Variants in PLG observed in about 807,000 individuals in gnomAD.
PLG encodes plasminogen.
A neutral mutation model predicts 104.4 loss-of-function variants in PLG; 41 were observed. The ratio of observed to expected loss-of-function variants is 0.39; its 90% CI spans 0.31 to 0.51. The LOEUF is 0.51. Among genes scored for constraint, PLG ranks in the 20% least tolerant of loss-of-function variants. PLG has a pLI of 0.76. For synonymous variants in PLG, 337 were observed against 357.1 expected (o/e 0.94, Z 0.63); for missense variants, 891 against 1,003.6 (o/e 0.89, Z 1.52).
chr6:160,741,739 G>A lies in PLG; in HGVS notation c.2125+322G>A, dbSNP rs4252173. On this transcript the variant is annotated intron_variant, in intron 17 of 18. Transcript: ENST00000308192. The surrounding 1 kb of genome is among the most constrained non-coding windows in gnomAD (Gnocchi z 4.7). ...GTATATGTAAACAGTGGTTTGTCAT[G>A]CAGATTATTTTGTCACCTAGGTACT... 9.5e-3 allele frequency among the ~76,000 whole-genome samples: 1,444 copies of A among 152,218 alleles called. 23 individuals carry two copies. The highest frequency in any genetic ancestry group is 0.034 in the African/African-American group (1,394 of 41,528).
chr6:160,702,351 C>G lies in PLG; in HGVS notation c.47C>G (p.Ser16Ter), dbSNP rs1777432753. Residue 16 changes from serine to a stop codon, truncating the protein, a stop_gained and splice_region_variant, in exon 1 of 19, where the codon TCA (serine) becomes TGA (stop). Coordinates refer to ENST00000308192, the MANE Select transcript of PLG (RefSeq NM_000301.5). LOFTEE classifies it high-confidence loss of function. Reference sequence around the variant, plus strand: ...CTTCTACTTCTTTTATTTCTGAAATCAGGTAAGACATAGTTTTTTTAAATT... The same window carrying G: ...CTTCTACTTCTTTTATTTCTGAAATGAGGTAAGACATAGTTTTTTTAAATT... ...VVLLLLLFLK[S>*]GQGEPLDDYV... The G allele has an allele frequency of 3.1e-6, 5 of 1,603,282 alleles. No homozygotes were observed. Among genetic ancestry groups the G allele is most frequent in the Non-Finnish European group, 4.3e-6 (5 of 1,175,238 alleles).
chr6:160,745,468 C>T lies in PLG; in HGVS notation c.2125+4051C>T, dbSNP rs115630860. Among the ~76,000 whole-genome samples the T allele has an allele frequency of 9.5e-3, 1,451 of 152,194 alleles. 20 individuals carry two copies. Among genetic ancestry groups the T allele is most frequent in the Middle Eastern group, 0.044 (13 of 294 alleles). ...GTTTTGTCTGAAATTAGGATGGCAA[C>T]CCTTGCTTTTTTGTCTGATTTCCAT... On this transcript the variant is annotated intron_variant, in intron 17 of 18. Transcript: ENST00000308192.
chr6:160,706,228 A>C (rs4063605), intron 1 of PLG, 179 bp from the exon 2 acceptor site: 1 of 773,244 alleles, frequency 1.3e-6, no homozygotes. Flanking sequence ...TTTATGTCCA[A>C]ATGCCCGACT....
intron 10 of PLG, among the ~76,000 whole-genome samples, chr6:160,729,227 G>A (rs1777961141): frequency 6.6e-6 from 1 of 152,198 alleles, no homozygotes; most frequent in Non-Finnish European, 1.5e-5. Flanking sequence ...ATGGGCATGG[G>A]TATCATTAAG....
chr6:160,723,088 A>C lies in PLG; in HGVS notation c.1256+521A>C, dbSNP rs532049034. ...ATATGAGATATACAAGTATACATATATAGTGTGTATATATATGTACACATA... is the reference window on the plus strand; with the variant it reads ...ATATGAGATATACAAGTATACATATCTAGTGTGTATATATATGTACACATA... On this transcript the variant is annotated intron_variant, in intron 10 of 18. Coordinates refer to ENST00000308192, the MANE Select transcript of PLG (RefSeq NM_000301.5). The surrounding 1 kb of genome is among the most constrained non-coding windows in gnomAD (Gnocchi z 4.7). 6.6e-6 allele frequency among the ~76,000 whole-genome samples: 1 copy of C among 151,344 alleles called. No individual in the cohort carries two copies. The highest frequency in any genetic ancestry group is 1.9e-4 in the East Asian group (1 of 5,166).
intron 17 of PLG, among the ~76,000 whole-genome samples, chr6:160,746,930 C>CA (rs1301097471): frequency 6.6e-6 from 1 of 152,136 alleles, no homozygotes; most frequent in Non-Finnish European, 1.5e-5. Context: ...CTAAAACAAG[C>CA]AAAAAAACAG....
At position 160,723,217 on chromosome 6, in the gene PLG, T is replaced by G. The variant is rs1777873197; in HGVS notation, c.1256+650T>G. ...TGACCTGTATAAACACAGTGGATCCTGAGCACCAGTGGCCTGAAAGGATAT... is the reference window on the plus strand; with the variant it reads ...TGACCTGTATAAACACAGTGGATCCGGAGCACCAGTGGCCTGAAAGGATAT... On this transcript the variant is annotated intron_variant, in intron 10 of 18. Transcript: ENST00000308192. This position sits in a 1 kb window ranked among gnomAD's most constrained non-coding sequence, Gnocchi z 4.7. 6.8e-6 allele frequency among the ~76,000 whole-genome samples: 1 copy of G among 146,952 alleles called. No individual in the cohort carries two copies. Among genetic ancestry groups the G allele is most frequent in the South Asian group, 2.1e-4 (1 of 4,814 alleles).
Position 160,716,660 on chromosome 6 carries a change from C to G in PLG, c.684C>G (p.Asn228Lys). Residue 228 changes from asparagine (N) to lysine (K), a missense_variant, in exon 7 of 19, where the codon AAC becomes AAG. Around this residue, in one of 2 missense-constraint regions of PLG, gnomAD observed 854 missense variants for 932.1 expected, o/e 0.92. Coordinates refer to ENST00000308192, the MANE Select transcript of PLG (RefSeq NM_000301.5). ...GYIPSKFPNK[N>K]LKKNYCRNPD... ...GTCCATTCAGATTTCCAAACAAGAA[C>G]CTGAAGAAGAATTACTGTCGTAACC... 1 of 1,603,714 alleles carries G rather than the reference C, an allele frequency of 6.2e-7. No individual in the cohort carries two copies. The highest frequency in any genetic ancestry group is 8.5e-7 in the Non-Finnish European group (1 of 1,170,616).
rs542427909 is a variant in PLG at position 160,731,494 on chromosome 6, G to A, written c.1439-251G>A. 3.3e-5 allele frequency among the ~76,000 whole-genome samples: 5 copies of A among 152,220 alleles called. No individual in the cohort carries two copies. Among genetic ancestry groups the A allele is most frequent in the African/African-American group, 1.2e-4 (5 of 41,526 alleles). ...TAACCACTCACCTTGTTCTAAAATGGGTTATCTCAGTATCCCAGTCCAAAT... is the reference window on the plus strand; with the variant it reads ...TAACCACTCACCTTGTTCTAAAATGAGTTATCTCAGTATCCCAGTCCAAAT... On this transcript the variant is annotated intron_variant, in intron 11 of 18. Transcript: ENST00000308192. This position sits in a 1 kb window ranked among gnomAD's most constrained non-coding sequence, Gnocchi z 5.1.
intron 3 of PLG, among the ~76,000 whole-genome samples, chr6:160,710,349 T>C (rs1308330201): frequency 3.3e-5 from 5 of 152,036 alleles, no homozygotes; most frequent in African/African-American, 1.2e-4. Context: ...AGTTGGAAAA[T>C]GCAAAGAAAT....
At position 160,718,475 on chromosome 6, in the gene PLG, C is replaced by T. The variant is rs769813684; in HGVS notation, c.950+19C>T. The T allele has an allele frequency of 1.3e-6, 2 of 1,583,940 alleles. No homozygotes were observed. Among genetic ancestry groups the T allele is most frequent in the African/African-American group, 2.7e-5 (2 of 74,492 alleles). On this transcript the variant is annotated intron_variant, in intron 8 of 18. Coordinates refer to ENST00000308192, the MANE Select transcript of PLG (RefSeq NM_000301.5). ...CCTGCAAGTAAGTCCCCTCCGGTCT[C>T]ATTCTGCTGCTATGGAATGTGAAAT... is the stretch of plus-strand genomic sequence containing the variant.
intron 5 of PLG, 114 bp downstream of exon 5, chr6:160,713,239 C>T (rs1777675647): frequency 2.2e-6 from 2 of 911,976 alleles, no homozygotes; most frequent in East Asian, 2.4e-5. Flanking sequence ...GTATTCACCT[C>T]TCGGAAAGAA....
In PLG at chr6:160,736,546, A is replaced by G. The variant is rs980540706; in HGVS notation, c.1682-341A>G. On this transcript the variant is annotated intron_variant, in intron 13 of 18. Transcript: ENST00000308192. This position sits in a 1 kb window ranked among gnomAD's most constrained non-coding sequence, Gnocchi z 5.2. ...TGGGAAGGATGGCATCATGTTCTAA[A>G]CATACTGCATGGAGTCAGAATAACA... Among the ~76,000 whole-genome samples the G allele has an allele frequency of 7.2e-5, 11 of 152,226 alleles. No homozygotes were observed. Among genetic ancestry groups the G allele is most frequent in the African/African-American group, 2.7e-4 (11 of 41,466 alleles).
intron 17 of PLG, among the ~76,000 whole-genome samples, chr6:160,748,384 G>GAAAGAAAGAAAGAAAA (rs1778322650): frequency 2.1e-5 from 1 of 47,178 alleles, no homozygotes; most frequent in African/African-American, 7.2e-5. Flanking sequence ...AAGAAAGAAA[G>GAAAGAAAGAAAGAAAA]AAAGAAAGAA....
intron 4 of PLG, among the ~76,000 whole-genome samples, 159 bp from the exon 5 acceptor site, chr6:160,712,827 G>T (rs770002863): frequency 6.6e-6 from 1 of 152,182 alleles, no homozygotes; most frequent in Non-Finnish European, 1.5e-5. Context: ...CCTATCAATA[G>T]AGAAATTGAA....
intron 9 of PLG, 103 bp from the exon 10 acceptor site, chr6:160,722,305 G>A: frequency 1.3e-6 from 1 of 774,050 alleles, no homozygotes; most frequent in Non-Finnish European, 2.3e-6. Context: ...AAAGAGAACA[G>A]TCATAATTCT....
At chr6:160,742,502 T>C (rs1015858059) in intron 17 of PLG, among the ~76,000 whole-genome samples, 4 of 152,270 alleles carry the variant, frequency 2.6e-5, no homozygotes, top group Non-Finnish European at 5.9e-5. Context: ...ATGGGGTTTT[T>C]TTTTTCTTGT....
chr6:160,707,829 C>T (rs1050685280), intron 3 of PLG, 23 bp downstream of exon 3: 1 of 1,515,432 alleles, frequency 6.6e-7, no homozygotes. Context: ...TCTTCCTCCT[C>T]CTCCTACTGT....
Position 160,752,946 on chromosome 6 carries a change from T to C in PLG, c.2318T>C (p.Ile773Thr), listed in dbSNP as rs1486724553. Residue 773 changes from isoleucine to threonine, a missense_variant, in exon 19 of 19, where the codon ATT (isoleucine) becomes ACT (threonine). Coordinates refer to ENST00000308192, the MANE Select transcript of PLG (RefSeq NM_000301.5). The surrounding 1 kb of genome is among the most constrained non-coding windows in gnomAD (Gnocchi z 4.7). ...PLVCFEKDKY[I>T]LQGVTSWGLG... ...GTTTGCTTCGAGAAGGACAAATACA[T>C]TTTACAAGGAGTCACTTCTTGGGGT... The C allele has an allele frequency of 1.2e-6, 2 of 1,613,488 alleles. No homozygotes were observed. Among genetic ancestry groups the C allele is most frequent in the East Asian group, 4.5e-5 (2 of 44,854 alleles).
Sources: gnomAD v4.1 joint callset for allele counts (sites outside exome capture counted in the v4.1 genomes callset) on GRCh38, gnomAD v4.1.1 for gene constraint, gnomAD v4.1.1 regional missense constraint, Gnocchi (gnomAD v3.1) non-coding constraint, MANE v1.5 for transcripts, NCBI Gene and HGNC (gene_info 2026-07-23, HGNC 2026-07-21) for gene names.